The following CEP83 variants were observed in gnomAD, a reference collection of about 807,000 sequenced individuals.
CEP83 encodes the protein centrosomal protein of 83 kDa.
A neutral mutation model predicts 101.9 loss-of-function variants in CEP83; 70 were observed. The ratio of observed to expected loss-of-function variants is 0.69; its 90% CI spans 0.57 to 0.84. CEP83 has a LOEUF of 0.84. Among genes scored for constraint, CEP83 ranks in the 40% least tolerant of loss-of-function variants. The pLI is 0.00. For synonymous variants in CEP83, 264 were observed against 267.9 expected (o/e 0.99, Z 0.14); for missense variants, 715 against 787.2 (o/e 0.91, Z 1.10).
chr12:94,291,727 C>A, the CEP83 span, among the ~76,000 whole-genome samples: 223 of 152,282 alleles, frequency 1.5e-3, no homozygotes, highest in African/African-American at 5.3e-3. Context: ...TAGTAATCTA[C>A]GATCTGTCTA....
At chr12:94,277,482 G>A in the CEP83 span, among the ~76,000 whole-genome samples, 1 of 152,188 alleles carries the variant, frequency 6.6e-6, no homozygotes, top group Admixed American at 6.5e-5. Flanking sequence ...GCCAGATGCT[G>A]TTCTAAGAAC....
intron 14 of CEP83, among the ~76,000 whole-genome samples, chr12:94,317,408 T>C (rs1970881052): frequency 6.6e-6 from 1 of 152,238 alleles, no homozygotes; most frequent in African/African-American, 2.4e-5. Flanking sequence ...GCAGAAGCTC[T>C]TAAGTTTAAT....
At chr12:94,456,890 G>A (rs553082793) in intron 1 of CEP83, among the ~76,000 whole-genome samples, 18 of 152,284 alleles carry the variant, frequency 1.2e-4, no homozygotes, top group Admixed American at 2.0e-4. Flanking sequence ...CTGAAGTCCT[G>A]CCCTTAATAA....
chr12:94,423,194 C>A (rs534989816), intron 2 of CEP83, among the ~76,000 whole-genome samples: 4 of 152,216 alleles, frequency 2.6e-5, no homozygotes, highest in African/African-American at 9.6e-5. Context: ...AAGTGATTCT[C>A]CTGCCTCCAC....
At chr12:94,359,108 T>G (rs1392581824) in intron 11 of CEP83, among the ~76,000 whole-genome samples, 1 of 152,254 alleles carries the variant, frequency 6.6e-6, no homozygotes, top group Non-Finnish European at 1.5e-5. Context: ...TTTTAGTTAA[T>G]TTAATATCTA....
At chr12:94,373,250 G>A (rs529305928) in intron 8 of CEP83, among the ~76,000 whole-genome samples, 25 of 152,184 alleles carry the variant, frequency 1.6e-4, no homozygotes, top group Non-Finnish European at 3.7e-4. Context: ...TATAGATTCT[G>A]GCCTTTATGT....
At chr12:94,419,602 T>C (rs903611515) in intron 2 of CEP83, among the ~76,000 whole-genome samples, 1 of 152,174 alleles carries the variant, frequency 6.6e-6, no homozygotes, top group Non-Finnish European at 1.5e-5. Context: ...CAGTACTTAC[T>C]ACAAATATAC....
At chr12:94,453,908 C>G (rs767654301) in intron 1 of CEP83, among the ~76,000 whole-genome samples, 10 of 152,056 alleles carry the variant, frequency 6.6e-5, no homozygotes, top group Non-Finnish European at 1.0e-4. Flanking sequence ...ACCATCCTGG[C>G]TAACATAGTG....
In CEP83 at chr12:94,330,275, C is replaced by T. The variant is rs557222013; in HGVS notation, c.1707+1425G>A. Reference sequence around the variant, plus strand: ...CATTTGTGGGACTTTACATATAACACGCACACACACACACACACACTTTAT... The same window carrying T: ...CATTTGTGGGACTTTACATATAACATGCACACACACACACACACACTTTAT... On this transcript the variant is annotated intron_variant, in intron 14 of 16. Transcript: ENST00000397809. 9.9e-5 allele frequency among the ~76,000 whole-genome samples: 15 copies of T among 151,996 alleles called. No individual in the cohort carries two copies. The East Asian group carries it at 1.5e-3, about 16-fold the overall frequency.
At chr12:94,417,852 A>C (rs955121950) in intron 2 of CEP83, among the ~76,000 whole-genome samples, 1 of 152,200 alleles carries the variant, frequency 6.6e-6, no homozygotes. Context: ...TCATATCAAG[A>C]ATGAAGATTT....
intron 9 of CEP83, 108 bp downstream of exon 9, chr12:94,369,814 T>G: frequency 1.5e-6 from 1 of 647,570 alleles, no homozygotes; most frequent in Admixed American, 2.6e-5. Flanking sequence ...TAAAACTAAA[T>G]TAAGTTGAAA....
At chr12:94,331,293 A>G (rs2059195107) in intron 14 of CEP83, among the ~76,000 whole-genome samples, 2 of 122,270 alleles carry the variant, frequency 1.6e-5, no homozygotes, top group East Asian at 2.2e-4. Context: ...CTCTCAGAAA[A>G]AAAAAAAAAA....
chr12:94,442,406 G>A (rs905931858), intron 1 of CEP83, among the ~76,000 whole-genome samples: 1 of 152,076 alleles, frequency 6.6e-6, no homozygotes, highest in Non-Finnish European at 1.5e-5. Flanking sequence ...ACTACACACC[G>A]GGTGCAGTGT....
At chr12:94,384,299 G>T (rs2062011795) in intron 6 of CEP83, among the ~76,000 whole-genome samples, 1 of 152,126 alleles carries the variant, frequency 6.6e-6, no homozygotes, top group African/African-American at 2.4e-5. Flanking sequence ...GATGAGAAAT[G>T]AGCTAGTTTT....
At chr12:94,306,930 G>A (rs1217756316), downstream of CEP83, 1 of 152,190 alleles carries the variant, frequency 6.6e-6, no homozygotes, top group African/African-American at 2.4e-5. Flanking sequence ...GAATAAAGGT[G>A]AGAGGTCTGG....
the CEP83 span, among the ~76,000 whole-genome samples, chr12:94,278,430 GT>G: frequency 1.3e-5 from 2 of 152,216 alleles, no homozygotes; most frequent in East Asian, 3.8e-4. Context: ...TTTTCAGTTT[GT>G]TTTGAAATAT....
At chr12:94,349,156 G>T (rs2136737125) in intron 11 of CEP83, among the ~76,000 whole-genome samples, 1 of 151,858 alleles carries the variant, frequency 6.6e-6, no homozygotes, top group East Asian at 1.9e-4. Flanking sequence ...TGTGGTGGTG[G>T]GTGCCTATAA....
chr12:94,410,911 T>C (rs933548842), intron 4 of CEP83, among the ~76,000 whole-genome samples: 2 of 152,186 alleles, frequency 1.3e-5, no homozygotes, highest in African/African-American at 4.8e-5. Context: ...TGTCAAAGGA[T>C]ATCTAAGAGT....
intron 11 of CEP83, among the ~76,000 whole-genome samples, chr12:94,355,848 G>A (rs984323083): frequency 2.6e-5 from 4 of 152,172 alleles, no homozygotes; most frequent in Non-Finnish European, 5.9e-5. Context: ...CCATCCTTTC[G>A]TTTCCCTTAA....
Sources: gnomAD v4.1 joint callset for allele counts (sites outside exome capture counted in the v4.1 genomes callset) on GRCh38, gnomAD v4.1.1 for gene constraint, MANE v1.5 for transcripts, NCBI Gene and HGNC (gene_info 2026-07-23, HGNC 2026-07-21) for gene names.